Variants in DAB1 observed in about 807,000 individuals in gnomAD.
The protein encoded by DAB1 is DAB adaptor protein 1, also known as disabled homolog 1.
A neutral mutation model predicts 64.6 loss-of-function variants in DAB1; 15 were observed. The observed-to-expected ratio is 0.23, with a 90% confidence interval of 0.16 to 0.36. DAB1 has a LOEUF of 0.36. DAB1 is among the 10% of genes least tolerant of loss of function. The pLI, the probability that DAB1 is intolerant of heterozygous loss-of-function variation, is 1.00. For synonymous variants in DAB1, 235 were observed against 251.9 expected, an observed-to-expected ratio of 0.93 and a Z score of 0.64; for missense variants, 596 against 706.7, an observed-to-expected ratio of 0.84 and a Z score of 1.78.
At chr1:58,116,265 T>C (rs957823560) in intron 5 of DAB1, among the ~76,000 whole-genome samples, 7 of 152,216 alleles carry the variant, frequency 4.6e-5, no homozygotes, top group African/African-American at 1.7e-4. Flanking sequence ...AAAGAGGCTA[T>C]GTTCCTGGAA....
Position 57,413,656 on chromosome 1 carries a change from A to G in DAB1, c.-137+10274T>C, listed in dbSNP as rs1478825198. On this transcript the variant is annotated intron_variant, in intron 1 of 14. Coordinates refer to ENST00000371236, the MANE Select transcript of DAB1 (RefSeq NM_001365792.1). ...ATACTCGAGAGGCTGAGGCAGGAGA[A>G]TGGCTTGAACTCGGGAGGTAGAGCT... 2.0e-5 allele frequency among the ~76,000 whole-genome samples: 3 copies of G among 148,810 alleles called. No individual in the cohort carries two copies. In the East Asian group the frequency reaches 6.1e-4, roughly 30 times the overall value.
chr1:57,008,481 G>A (rs1646163426), intron 14 of DAB1, among the ~76,000 whole-genome samples: 1 of 152,094 alleles, frequency 6.6e-6, no homozygotes, highest in South Asian at 2.1e-4. Context: ...TCTATTAGGT[G>A]CTTTCTATGT....
chr1:57,345,990 T>C (rs1395558578), intron 1 of DAB1, among the ~76,000 whole-genome samples: 1 of 152,212 alleles, frequency 6.6e-6, no homozygotes, highest in African/African-American at 2.4e-5. Flanking sequence ...TATGTGGATA[T>C]TATCGTCATC....
chr1:58,546,558 C>T (rs1421099276), intron 1 of DAB1: 1 of 151,800 alleles, frequency 6.6e-6, no homozygotes, highest in East Asian at 2.0e-4. Context: ...CCCGTACCCC[C>T]ATCCCCAAGG....
chr1:57,507,418 C>G (rs553399459), intron 7 of DAB1, among the ~76,000 whole-genome samples: 1 of 152,266 alleles, frequency 6.6e-6, no homozygotes, highest in South Asian at 2.1e-4. Flanking sequence ...ATTAATTTTG[C>G]TTTTTATTTT....
intron 7 of DAB1, among the ~76,000 whole-genome samples, chr1:57,638,227 CA>C (rs936985642): frequency 3.3e-5 from 5 of 151,520 alleles, no homozygotes; most frequent in Non-Finnish European, 5.9e-5. Flanking sequence ...CATAAATAAT[CA>C]AAAAGGGGCT....
intron 4 of DAB1, among the ~76,000 whole-genome samples, chr1:57,084,214 T>C (rs1412344128): frequency 3.3e-5 from 5 of 152,040 alleles, no homozygotes; most frequent in African/African-American, 1.2e-4. Flanking sequence ...GGTGTCCTTA[T>C]AAAAGAAGGA....
intron 4 of DAB1, among the ~76,000 whole-genome samples, chr1:58,309,340 G>A (rs1662377331): frequency 6.6e-6 from 1 of 151,988 alleles, no homozygotes; most frequent in Non-Finnish European, 1.5e-5. Context: ...CCTTCCCATG[G>A]GCCGCTTGAA....
intron 4 of DAB1, among the ~76,000 whole-genome samples, chr1:58,169,900 G>T (rs897237784): frequency 6.6e-6 from 1 of 152,142 alleles, no homozygotes; most frequent in African/African-American, 2.4e-5. Context: ...CTCCCTCTCT[G>T]ATTTGAAGCA....
At chr1:57,628,936 T>C (rs1011289876) in intron 7 of DAB1, among the ~76,000 whole-genome samples, 8 of 152,250 alleles carry the variant, frequency 5.3e-5, no homozygotes, top group South Asian at 2.1e-4. Context: ...GAGCTTACTA[T>C]GTGCCCAGTG....
intron 5 of DAB1, among the ~76,000 whole-genome samples, chr1:58,023,509 A>G (rs1646844278): frequency 6.6e-6 from 1 of 152,156 alleles, no homozygotes; most frequent in South Asian, 2.1e-4. Context: ...TAATACGCAG[A>G]CAGAGTTGGG....
At chr1:57,464,612 T>C (rs1323592466) in intron 7 of DAB1, among the ~76,000 whole-genome samples, 2 of 152,156 alleles carry the variant, frequency 1.3e-5, no homozygotes, top group Non-Finnish European at 2.9e-5. Flanking sequence ...AAGGATTAAA[T>C]AAGTATTTCT....
At chr1:58,405,805 C>G (rs1644611718) in intron 3 of DAB1, among the ~76,000 whole-genome samples, 1 of 152,168 alleles carries the variant, frequency 6.6e-6, no homozygotes, top group Non-Finnish European at 1.5e-5. Flanking sequence ...AATGAGGAAA[C>G]AGACACTTGG....
At chr1:57,044,552 T>C (rs1417689586) in intron 9 of DAB1, among the ~76,000 whole-genome samples, 1 of 152,252 alleles carries the variant, frequency 6.6e-6, no homozygotes, top group East Asian at 1.9e-4. Context: ...GTTCTGGTGC[T>C]GGACACCTTA....
At chr1:58,287,761 CCT>C (rs1444453144) in intron 4 of DAB1, among the ~76,000 whole-genome samples, 1 of 152,096 alleles carries the variant, frequency 6.6e-6, no homozygotes, top group African/African-American at 2.4e-5. Context: ...GTGGCTCATG[CCT>C]GTAATCCCAA....
intron 6 of DAB1, among the ~76,000 whole-genome samples, chr1:57,741,995 A>C (rs574955012): frequency 6.6e-6 from 1 of 152,218 alleles, no homozygotes; most frequent in Non-Finnish European, 1.5e-5. Context: ...ATCCTCTAAG[A>C]GGCCCATGGG....
At chr1:57,695,368 GAAAGAAAGAAAGAAAGA>G (rs1646822243) in intron 6 of DAB1, among the ~76,000 whole-genome samples, 7 of 48,584 alleles carry the variant, frequency 1.4e-4, no homozygotes, top group Non-Finnish European at 2.2e-4. Flanking sequence ...AAAGAAGAAA[GAAAGAAAGAAAGAAAGA>G]AAGAAAGAAA....
At chr1:58,112,039 C>A (rs981329309) in intron 5 of DAB1, among the ~76,000 whole-genome samples, 4 of 152,170 alleles carry the variant, frequency 2.6e-5, no homozygotes, top group African/African-American at 4.8e-5. Context: ...TTCTCCCTAT[C>A]CCCCAGTGGC....
intron 1 of DAB1, among the ~76,000 whole-genome samples, chr1:58,535,548 A>G (rs993024408): frequency 6.7e-6 from 1 of 148,342 alleles, no homozygotes; most frequent in Non-Finnish European, 1.5e-5. Context: ...GTGAGCCAAG[A>G]TGGCACCACT....
Sources: allele counts gnomAD v4.1 joint callset (sites outside exome capture counted in the v4.1 genomes callset), GRCh38; gene constraint gnomAD v4.1.1; transcripts MANE v1.5; gene names NCBI Gene and HGNC (gene_info 2026-07-23, HGNC 2026-07-21).